The following ACTR3B variants were observed in gnomAD, a reference collection of about 807,000 sequenced individuals.
The protein encoded by ACTR3B is actin related protein 3B.
A neutral mutation model predicts 59.0 loss-of-function variants in ACTR3B; 8 were observed. That is an observed-to-expected ratio of 0.14 (90% CI 0.08 to 0.24). The LOEUF is 0.24. Ranked by LOEUF, ACTR3B falls within the 10% of genes least tolerant of loss-of-function variation. The pLI is 1.00. For synonymous variants in ACTR3B, 148 were observed against 197.9 expected (o/e 0.75, Z 2.12); for missense variants, 245 against 552.3 (o/e 0.44, Z 5.58).
At chr7:152,785,341 A>G (rs1590240312) in intron 2 of ACTR3B, among the ~76,000 whole-genome samples, 1 of 116,810 alleles carries the variant, frequency 8.6e-6, no homozygotes, top group African/African-American at 3.3e-5. Context: ...AGGTGGGAGT[A>G]AAAGAACAGT....
intron 6 of ACTR3B, among the ~76,000 whole-genome samples, chr7:152,819,409 G>A (rs552477914): frequency 1.3e-5 from 2 of 152,248 alleles, no homozygotes; most frequent in Non-Finnish European, 2.9e-5. Flanking sequence ...TGTCTTTACC[G>A]GATGATCCAG....
intron 6 of ACTR3B, among the ~76,000 whole-genome samples, chr7:152,817,314 G>A (rs1000667606): frequency 8.5e-5 from 13 of 152,048 alleles, no homozygotes; most frequent in Non-Finnish European, 1.2e-4. Context: ...CCGGGAGACG[G>A]AGGTTGCAGT....
chr7:152,833,755 C>T (rs1007003574), intron 9 of ACTR3B, among the ~76,000 whole-genome samples: 4 of 152,068 alleles, frequency 2.6e-5, no homozygotes, highest in South Asian at 2.1e-4. Flanking sequence ...TTACGTGTGG[C>T]GTTTATAATG....
intron 2 of ACTR3B, among the ~76,000 whole-genome samples, chr7:152,784,545 G>A (rs886773366): frequency 6.6e-5 from 10 of 152,154 alleles, no homozygotes; most frequent in African/African-American, 2.4e-4. Flanking sequence ...AGGCATGATT[G>A]GTCTGCTGTG....
At chr7:152,819,547 G>A (rs1795985800) in intron 6 of ACTR3B, among the ~76,000 whole-genome samples, 1 of 152,128 alleles carries the variant, frequency 6.6e-6, no homozygotes, top group Non-Finnish European at 1.5e-5. Context: ...AGGGAGCTTT[G>A]GGCCCATCAT....
intron 2 of ACTR3B, 146 bp from the exon 3 acceptor site, chr7:152,800,385 A>G (rs2098231455): frequency 7.4e-6 from 8 of 1,086,344 alleles, no homozygotes; most frequent in Admixed American, 2.9e-5. Context: ...ACTCATTGAC[A>G]TTGTCTTTTC....
intron 2 of ACTR3B, among the ~76,000 whole-genome samples, chr7:152,797,597 C>T (rs1202672240): frequency 9.2e-5 from 14 of 152,244 alleles, no homozygotes; most frequent in African/African-American, 2.9e-4. Flanking sequence ...ACTGTTGTCA[C>T]GTCGTTGTAT....
chr7:152,833,553 C>A (rs753230453), intron 9 of ACTR3B, among the ~76,000 whole-genome samples: 2 of 152,190 alleles, frequency 1.3e-5, no homozygotes, highest in Non-Finnish European at 2.9e-5. Flanking sequence ...CTTTACCTTG[C>A]ACCTGCAGTT....
intron 2 of ACTR3B, among the ~76,000 whole-genome samples, chr7:152,790,253 A>G (rs189151767): frequency 2.3e-3 from 343 of 151,794 alleles, no homozygotes; most frequent in Non-Finnish European, 4.7e-4. Context: ...TTGGTCTCTC[A>G]AAGTGTTGAA....
intron 1 of ACTR3B, among the ~76,000 whole-genome samples, chr7:152,773,947 A>G (rs543134550): frequency 6.6e-6 from 1 of 152,274 alleles, no homozygotes; most frequent in African/African-American, 2.4e-5. Context: ...GTACCTGGGC[A>G]CCAACGAGTT....
At chr7:152,800,213 G>A (rs1217088946) in intron 2 of ACTR3B, among the ~76,000 whole-genome samples, 1 of 152,234 alleles carries the variant, frequency 6.6e-6, no homozygotes, top group African/African-American at 2.4e-5. Flanking sequence ...ACCTACTGAT[G>A]TATAGGCATT....
chr7:152,804,338 G>A (rs1228823741), intron 4 of ACTR3B, among the ~76,000 whole-genome samples: 5 of 152,222 alleles, frequency 3.3e-5, no homozygotes, highest in Non-Finnish European at 7.3e-5. Context: ...CAAACAAGCA[G>A]CACATGCAGA....
chr7:152,847,762 T>C (rs987813100), intron 9 of ACTR3B, among the ~76,000 whole-genome samples: 1 of 152,182 alleles, frequency 6.6e-6, no homozygotes, highest in African/African-American at 2.4e-5. Context: ...ACAGGGCCCC[T>C]GGGACATATG....
In ACTR3B at chr7:152,853,720, C is replaced by A. The variant is rs1590491534; in HGVS notation, c.1161+143C>A. 3.8e-5 allele frequency: 28 copies of A among 733,028 alleles called. No individual in the cohort carries two copies. In the East Asian group the frequency reaches 8.0e-4, roughly 21 times the overall value. The allele number at this position is 733,028 out of a possible 1,614,324, so 45.4% of individuals were successfully genotyped here. A position where few individuals can be genotyped will look rare whatever the true frequency, so the allele number is the denominator to read the frequency against. ...CCATTCTGTAAGATATAAATTATAT[C>A]TTTTTTGTTTTTTCGAGATGGAGTC... On this transcript the variant is annotated intron_variant, in intron 11 of 11. Coordinates refer to ENST00000256001, the MANE Select transcript of ACTR3B (RefSeq NM_020445.6).
intron 4 of ACTR3B, among the ~76,000 whole-genome samples, chr7:152,802,149 A>T (rs1253079325): frequency 6.6e-6 from 1 of 151,848 alleles, no homozygotes; most frequent in South Asian, 2.1e-4. Flanking sequence ...TTCCCAGCAC[A>T]TTTGCCCCAT....
At position 152,774,752 on chromosome 7, in the gene ACTR3B, C is replaced by G. The variant is rs572254581; in HGVS notation, c.45-8435C>G. ...TTTGGATAAAATATTTAAGTTTGAA[C>G]TTTATATATTGAATTCTTCGTTCTA... is the stretch of plus-strand genomic sequence containing the variant. On this transcript the variant is annotated intron_variant, in intron 1 of 11. Transcript: ENST00000256001. Among the ~76,000 whole-genome samples the G allele has an allele frequency of 2.7e-4, 41 of 152,140 alleles. 1 individual carries two copies. In the South Asian group the frequency reaches 7.1e-3, roughly 26 times the overall value.
chr7:152,817,970 C>T (rs2462096), intron 6 of ACTR3B, among the ~76,000 whole-genome samples: 85 of 144,444 alleles, frequency 5.9e-4, no homozygotes, highest in African/African-American at 1.6e-3. Flanking sequence ...CTCCTGGCTA[C>T]GTGTCCTTCC....
At chr7:152,796,775 C>T (rs1410720033) in intron 2 of ACTR3B, among the ~76,000 whole-genome samples, 1 of 131,728 alleles carries the variant, frequency 7.6e-6, no homozygotes, top group African/African-American at 2.6e-5. Context: ...AGTGTGGTGG[C>T]GTGATCATGG....
At chr7:152,762,025 GC>G (rs2098090887) in intron 1 of ACTR3B, among the ~76,000 whole-genome samples, 1 of 152,134 alleles carries the variant, frequency 6.6e-6, no homozygotes, top group African/African-American at 2.4e-5. Flanking sequence ...GGTGAAAAAA[GC>G]CTTTTTTTGT....
Sources: allele counts gnomAD v4.1 joint callset (sites outside exome capture counted in the v4.1 genomes callset), GRCh38; gene constraint gnomAD v4.1.1; transcripts MANE v1.5; gene names NCBI Gene and HGNC (gene_info 2026-07-23, HGNC 2026-07-21).